PPP1R12C: variants seen among roughly 807,000 people sequenced by gnomAD.
The protein encoded by PPP1R12C is protein phosphatase 1 regulatory subunit 12C.
PPP1R12C carries 48 observed loss-of-function variants against 95.6 expected under a neutral mutation model. That is an observed-to-expected ratio of 0.50 (90% CI 0.40 to 0.64). The LOEUF (loss-of-function observed/expected upper bound fraction) is 0.64, where lower values mean the gene tolerates loss of function less well. Among genes scored for constraint, PPP1R12C ranks in the 30% least tolerant of loss-of-function variants. The pLI is 0.00. For synonymous variants in PPP1R12C, 480 were observed against 460.8 expected, an observed-to-expected ratio of 1.04 and a Z score of -0.53; for missense variants, 1,057 against 1,083.3, an observed-to-expected ratio of 0.98 and a Z score of 0.34.
At position 55,092,657 on chromosome 19, in the gene PPP1R12C, C is replaced by G. The variant is rs553651907; in HGVS notation, c.1917G>C (p.Glu639Asp). ...GKEWRGPAEGEEAEPADRSQE... is the reference protein window; with the variant it reads ...GKEWRGPAEGDEAEPADRSQE... ...GGCTGCGGTCAGCCGGCTCCGCCTCCTCCCCCTGTGGGCAGGTAGACGGGG... is the reference window on the plus strand; with the variant it reads ...GGCTGCGGTCAGCCGGCTCCGCCTCGTCCCCCTGTGGGCAGGTAGACGGGG... The change falls in exon 17 of 22, where the codon GAG becomes GAC. Residue 639 changes from glutamate (E) to aspartate (D), a missense_variant. Coordinates refer to ENST00000263433, the MANE Select transcript of PPP1R12C (RefSeq NM_017607.4). The G allele has an allele frequency of 6.5e-6, 10 of 1,533,048 alleles. No homozygotes were observed. The South Asian group carries it at 1.3e-4, about 20-fold the overall frequency. The allele number at this position is 1,533,048 out of a possible 1,614,324, so 95.0% of individuals were successfully genotyped here. A position where few individuals can be genotyped will look rare whatever the true frequency, so the allele number is the denominator to read the frequency against.
chr19:55,098,295 C>T (rs1271555095), intron 6 of PPP1R12C, among the ~76,000 whole-genome samples: 1 of 152,266 alleles, frequency 6.6e-6, no homozygotes, highest in Non-Finnish European at 1.5e-5. Flanking sequence ...AAGTGGCTGG[C>T]TGAGACTCAC....
At chr19:55,098,420 A>T (rs2084946045) in intron 6 of PPP1R12C, among the ~76,000 whole-genome samples, 1 of 152,128 alleles carries the variant, frequency 6.6e-6, no homozygotes, top group Admixed American at 6.5e-5. Context: ...TGGCTGGGGG[A>T]CACCTTGTGG....
In PPP1R12C at chr19:55,096,132, C is replaced by T; in HGVS notation, c.1072G>A (p.Asp358Asn). 1 of 1,600,012 alleles carries T rather than the reference C, an allele frequency of 6.2e-7. No homozygotes were observed. The highest frequency in any genetic ancestry group is 8.5e-7 in the Non-Finnish European group (1 of 1,173,736). The change falls in exon 8 of 22, where the codon GAC becomes AAC. Residue 358 changes from aspartate to asparagine, a missense_variant. Around this residue, in one of 5 missense-constraint regions of PPP1R12C, gnomAD observed 356 missense variants for 330.5 expected, o/e 1.08. Coordinates refer to ENST00000263433, the MANE Select transcript of PPP1R12C (RefSeq NM_017607.4). ...CCAGGCCGGCGCTCCTTGGACAAGTCCTGGAGGGAAATCTTCTCGCGACTG... is the reference window on the plus strand; with the variant it reads ...CCAGGCCGGCGCTCCTTGGACAAGTTCTGGAGGGAAATCTTCTCGCGACTG... Reference protein sequence around the residue: ...LSSREKISLQDLSKERRPGGA... With the variant: ...LSSREKISLQNLSKERRPGGA...
At chr19:55,095,266 AG>A in intron 11 of PPP1R12C, 24 bp downstream of exon 11, 1 of 1,553,626 alleles carries the variant, frequency 6.4e-7, no homozygotes, top group Non-Finnish European at 8.7e-7. Context: ...CCCACCCCTG[AG>A]GGGCCCAGGC....
rs973117690 is a variant in PPP1R12C at position 55,091,254 on chromosome 19, C to T, written c.*218G>A. 18 of 584,130 alleles carry T rather than the reference C, an allele frequency of 3.1e-5. No homozygotes were observed. Among genetic ancestry groups the T allele is most frequent in the Middle Eastern group, 4.5e-4 (1 of 2,226 alleles). The allele number at this position is 584,130 out of a possible 1,614,324, so 36.2% of individuals were successfully genotyped here. On this transcript the variant is annotated 3_prime_UTR_variant, in exon 22 of 22. Transcript: ENST00000263433. The stretch of plus-strand genomic sequence containing the variant: ...CTCTGGCCCTGGTCCCCTCTGGCAA[C>T]GTCCCCCTGCTTGGCTCGGCCTCCC...
Position 55,109,037 on chromosome 19 carries a change from G to T in PPP1R12C, c.571+3430C>A, listed in dbSNP as rs982165059. On this transcript the variant is annotated intron_variant, in intron 3 of 21. Coordinates refer to ENST00000263433, the MANE Select transcript of PPP1R12C (RefSeq NM_017607.4). The surrounding 1 kb of genome is among the most constrained non-coding windows in gnomAD (Gnocchi z 4.4). ...CCACATGTTGATTTTCCATTCATTC[G>T]ATGATGGGCACTAGGTTGCTCCTAC... Among the ~76,000 whole-genome samples, 2 of 152,168 alleles carry T rather than the reference G, an allele frequency of 1.3e-5. No homozygotes were observed. The highest frequency in any genetic ancestry group is 2.9e-5 in the Non-Finnish European group (2 of 68,024).
Position 55,092,626 on chromosome 19 carries a change from A to C in PPP1R12C, c.1948T>G (p.Ser650Ala). 6.6e-7 allele frequency: 1 copy of C among 1,522,342 alleles called. No homozygotes were observed. Among genetic ancestry groups the C allele is most frequent in the Non-Finnish European group, 8.8e-7 (1 of 1,135,546 alleles). The allele number at this position is 1,522,342 out of a possible 1,614,324, so 94.3% of individuals were successfully genotyped here. The change falls in exon 17 of 22, where the codon TCC becomes GCC. Residue 650 changes from serine (S) to alanine (A), a missense_variant. Coordinates refer to ENST00000263433, the MANE Select transcript of PPP1R12C (RefSeq NM_017607.4). The stretch of plus-strand genomic sequence containing the variant: ...CCTCTCCCACCCCGCCCCTACCTGG[A>C]CTCCTGGCTGCGGTCAGCCGGCTCC... ...EAEPADRSQE[S>A]STLEGGPSAR...
At chr19:55,111,797 A>G (rs1325438803) in intron 3 of PPP1R12C, 2 of 152,152 alleles carry the variant, frequency 1.3e-5, no homozygotes, top group Non-Finnish European at 2.9e-5. Flanking sequence ...ATGAAGCGGC[A>G]CCAGTGGTCC....
At chr19:55,099,871 T>C (rs181865409) in intron 4 of PPP1R12C, among the ~76,000 whole-genome samples, 4 of 152,356 alleles carry the variant, frequency 2.6e-5, no homozygotes, top group Admixed American at 6.5e-5. Context: ...GTGTCTATTT[T>C]TGGAGAACTG....
rs543813520 is a variant in PPP1R12C, at chr19:55,095,748, G to A, written c.1227+119C>T. Reference sequence around the variant, plus strand: ...CCTAAAAAGGAAGCCGGTTGTCCAGGACGACTCTGGGAACTATAGTCTTCC... The same window carrying A: ...CCTAAAAAGGAAGCCGGTTGTCCAGAACGACTCTGGGAACTATAGTCTTCC... On this transcript the variant is annotated intron_variant, in intron 9 of 21. Transcript: ENST00000263433. 318 of 1,521,264 alleles carry A rather than the reference G, an allele frequency of 2.1e-4. 1 individual carries two copies. The highest frequency in any genetic ancestry group is 1.1e-3 in the Middle Eastern group (5 of 4,622). 94.2% of individuals were successfully genotyped at this position (1,521,264 alleles called of 1,614,324 possible).
In PPP1R12C at chr19:55,091,643, C is replaced by A. The variant is rs1193886122; in HGVS notation, c.2262+7G>T. The A allele has an allele frequency of 4.3e-6, 7 of 1,610,522 alleles. No homozygotes were observed. Among genetic ancestry groups the A allele is most frequent in the South Asian group, 1.1e-5 (1 of 90,814 alleles). On this transcript the variant is annotated splice_region_variant and intron_variant, in intron 21 of 21. Coordinates refer to ENST00000263433, the MANE Select transcript of PPP1R12C (RefSeq NM_017607.4). ...GGCCCTCTGCCCACAGCCCCCACAG[C>A]CCCCACCTTCAGCTCCTCCTCCAGC...
At position 55,109,018 on chromosome 19, in the gene PPP1R12C, G is replaced by T. The variant is rs1044140382; in HGVS notation, c.571+3449C>A. ...GTCCCACCGCATGGATGGGCCACAT[G>T]TTGATTTTCCATTCATTCGATGATG... is the stretch of plus-strand genomic sequence containing the variant. On this transcript the variant is annotated intron_variant, in intron 3 of 21. Coordinates refer to ENST00000263433, the MANE Select transcript of PPP1R12C (RefSeq NM_017607.4). The surrounding 1 kb of genome is among the most constrained non-coding windows in gnomAD (Gnocchi z 4.4). Among the ~76,000 whole-genome samples, 2 of 152,196 alleles carry T rather than the reference G, an allele frequency of 1.3e-5. No individual in the cohort carries two copies. The highest frequency in any genetic ancestry group is 6.5e-5 in the Admixed American group (1 of 15,284).
intron 1 of PPP1R12C, 127 bp from the exon 2 acceptor site, chr19:55,112,922 C>A: frequency 7.4e-7 from 1 of 1,345,618 alleles, no homozygotes; most frequent in South Asian, 1.3e-5. Flanking sequence ...GAAAATGACC[C>A]AACAGCCTCT....
chr19:55,102,602 A>G (rs2147196079), intron 4 of PPP1R12C, among the ~76,000 whole-genome samples: 1 of 152,374 alleles, frequency 6.6e-6, no homozygotes, highest in Admixed American at 6.5e-5. Context: ...AAGAAGAAAC[A>G]AAGTCCATAA....
rs549601697 is a variant in PPP1R12C, at chr19:55,092,733, GC to G, written c.1911+49del. On this transcript the variant is annotated intron_variant, in intron 16 of 21. Coordinates refer to ENST00000263433, the MANE Select transcript of PPP1R12C (RefSeq NM_017607.4). ...AGCGGGTATGGGAAGGGCTTTGCCCGCCCCCCGGCCCACCCTCTGCACCAGC... is the reference window on the plus strand; with the variant it reads ...AGCGGGTATGGGAAGGGCTTTGCCCGCCCCCGGCCCACCCTCTGCACCAGC... 35 of 1,519,604 alleles carry G rather than the reference GC, an allele frequency of 2.3e-5. No homozygotes were observed. The African/African-American group carries it at 3.9e-4, about 17-fold the overall frequency. The allele number at this position is 1,519,604 out of a possible 1,614,324, so 94.1% of individuals were successfully genotyped here.
intron 3 of PPP1R12C, among the ~76,000 whole-genome samples, chr19:55,110,599 G>A (rs923241192): frequency 7.2e-5 from 11 of 152,236 alleles, no homozygotes; most frequent in South Asian, 2.1e-4. Flanking sequence ...GTCTCAGAAT[G>A]GCCGGGCTCA....
At chr19:55,108,710 T>C (rs1461732982) in intron 3 of PPP1R12C, among the ~76,000 whole-genome samples, 1 of 152,158 alleles carries the variant, frequency 6.6e-6, no homozygotes, top group Non-Finnish European at 1.5e-5. Context: ...TTTGTCTTGT[T>C]TTGTTTTTTG....
chr19:55,112,633 A>G (rs1188553827), intron 2 of PPP1R12C, 32 bp downstream of exon 2: 2 of 1,612,156 alleles, frequency 1.2e-6, no homozygotes, highest in Admixed American at 1.7e-5. Context: ...CCCCACCCCG[A>G]CCAGGTCCTG....
Position 55,117,397 on chromosome 19 carries a change from G to C in PPP1R12C, c.147C>G (p.Phe49Leu), listed in dbSNP as rs1171396975. 1 of 1,053,862 alleles carries C rather than the reference G, an allele frequency of 9.5e-7. No homozygotes were observed. Among genetic ancestry groups the C allele is most frequent in the Non-Finnish European group, 1.1e-6 (1 of 876,538 alleles). 65.3% of individuals were successfully genotyped at this position (1,053,862 alleles called of 1,614,324 possible). A position where few individuals can be genotyped will look rare whatever the true frequency, so the allele number is the denominator to read the frequency against. ...PGERRARTVR[F>L]ERAAEFLAAC... The stretch of plus-strand genomic sequence containing the variant: ...CCGCCAGGAACTCGGCGGCGCGCTC[G>C]AAGCGGACGGTGCGGGCGCGGCGCT... Residue 49 changes from phenylalanine (F) to leucine (L), a missense_variant, in exon 1 of 22, where the codon TTC becomes TTG. Transcript: ENST00000263433.
Sources: gnomAD v4.1 joint callset for allele counts (sites outside exome capture counted in the v4.1 genomes callset) on GRCh38, gnomAD v4.1.1 for gene constraint, gnomAD v4.1.1 regional missense constraint, Gnocchi (gnomAD v3.1) non-coding constraint, MANE v1.5 for transcripts, NCBI Gene and HGNC (gene_info 2026-07-23, HGNC 2026-07-21) for gene names.